Variants in CFAP299 observed in about 807,000 individuals in gnomAD.
CFAP299 encodes the protein cilia- and flagella-associated protein 299.
CFAP299 carries 21 observed loss-of-function variants against 27.0 expected under a neutral mutation model. The ratio of observed to expected loss-of-function variants is 0.78; its 90% CI spans 0.55 to 1.12. The LOEUF is 1.12. Ranked by LOEUF, CFAP299 falls within the 50% of genes most tolerant of loss-of-function variation. The probability of loss-of-function intolerance (pLI) is 0.00; values close to 1 mark genes in which losing one functional copy is unlikely to be tolerated. For missense variants in CFAP299, 310 were observed against 276.6 expected (o/e 1.12, Z -0.86); for synonymous variants, 104 against 98.1 (o/e 1.06, Z -0.36).
chr4:80,441,397 C>A (rs1367508540), intron 2 of CFAP299, among the ~76,000 whole-genome samples: 2 of 152,178 alleles, frequency 1.3e-5, no homozygotes, highest in Admixed American at 6.5e-5. Flanking sequence ...TGGGGGCCAA[C>A]ATTCAACATT....
chr4:80,408,228 C>A (rs956948091), intron 2 of CFAP299, among the ~76,000 whole-genome samples: 6 of 152,144 alleles, frequency 3.9e-5, no homozygotes, highest in African/African-American at 1.4e-4. Context: ...AACCAATTTC[C>A]CCACCTAACA....
intron 2 of CFAP299, among the ~76,000 whole-genome samples, chr4:80,427,640 A>G (rs1007225971): frequency 2.6e-5 from 4 of 152,174 alleles, no homozygotes; most frequent in African/African-American, 9.6e-5. Context: ...GGCCCGTGAA[A>G]GATTAATACT....
chr4:80,846,157 C>T (rs1159300594), intron 3 of CFAP299, among the ~76,000 whole-genome samples: 1 of 152,060 alleles, frequency 6.6e-6, no homozygotes, highest in Non-Finnish European at 1.5e-5. Context: ...TCATTCATCT[C>T]CTGAGGCAGT....
chr4:80,542,033 G>A (rs921104504), intron 2 of CFAP299, among the ~76,000 whole-genome samples: 23 of 151,940 alleles, frequency 1.5e-4, no homozygotes, highest in African/African-American at 5.3e-4. Context: ...AAAATCCAAA[G>A]TAGTTTGCTT....
intron 4 of CFAP299, among the ~76,000 whole-genome samples, chr4:80,911,528 T>G (rs761932827): frequency 1.3e-5 from 2 of 152,214 alleles, no homozygotes; most frequent in African/African-American, 2.4e-5. Context: ...TTTATGCCAT[T>G]ATTTGTCTGT....
chr4:80,871,344 G>C (rs1733086543), intron 4 of CFAP299: 14 of 985,012 alleles, frequency 1.4e-5, no homozygotes, highest in African/African-American at 1.8e-5. Context: ...ACATTCCAAA[G>C]TCAATCGATC....
At chr4:80,761,698 A>G (rs914827729) in intron 3 of CFAP299, among the ~76,000 whole-genome samples, 1 of 152,088 alleles carries the variant, frequency 6.6e-6, no homozygotes, top group African/African-American at 2.4e-5. Flanking sequence ...ATAAGAATAA[A>G]TAATTAGACA....
At chr4:80,800,097 A>G (rs1193322763) in intron 3 of CFAP299, among the ~76,000 whole-genome samples, 2 of 68,688 alleles carry the variant, frequency 2.9e-5, no homozygotes, top group Admixed American at 2.8e-4. Flanking sequence ...TATATATAAT[A>G]TATAATATAT....
intron 3 of CFAP299, among the ~76,000 whole-genome samples, chr4:80,661,921 A>T (rs1009491129): frequency 6.6e-6 from 1 of 152,138 alleles, no homozygotes; most frequent in South Asian, 2.1e-4. Context: ...ACAGTTGTGG[A>T]TAAGGGATAA....
chr4:80,647,327 G>T (rs1337395801), intron 3 of CFAP299, among the ~76,000 whole-genome samples: 1 of 152,068 alleles, frequency 6.6e-6, no homozygotes, highest in African/African-American at 2.4e-5. Flanking sequence ...ACATCTGTTT[G>T]GTGCATGCTC....
At chr4:80,810,605 C>A (rs746095263) in intron 3 of CFAP299, among the ~76,000 whole-genome samples, 8 of 152,008 alleles carry the variant, frequency 5.3e-5, no homozygotes, top group Non-Finnish European at 1.0e-4. Flanking sequence ...CAAGGAACAC[C>A]AAGAATTGCC....
At chr4:80,519,885 A>G (rs1250550771) in intron 2 of CFAP299, among the ~76,000 whole-genome samples, 5 of 152,166 alleles carry the variant, frequency 3.3e-5, no homozygotes, top group African/African-American at 4.8e-5. Context: ...CCTGTAACCT[A>G]TATAGTCAGT....
At chr4:80,751,783 G>T (rs1462389162) in intron 3 of CFAP299, among the ~76,000 whole-genome samples, 1 of 152,120 alleles carries the variant, frequency 6.6e-6, no homozygotes, top group Non-Finnish European at 1.5e-5. Flanking sequence ...GCAGATTCCA[G>T]CCTGTTGCCA....
chr4:80,888,189 A>G (rs1734065364), intron 4 of CFAP299, among the ~76,000 whole-genome samples: 1 of 152,086 alleles, frequency 6.6e-6, no homozygotes, highest in South Asian at 2.1e-4. Context: ...AAAGACATAG[A>G]GTGGCTGCAT....
At position 80,483,252 on chromosome 4, in the gene CFAP299, G is replaced by A. The variant is rs575578494; in HGVS notation, c.243-99841G>A. Among the ~76,000 whole-genome samples, 101 of 152,286 alleles carry A rather than the reference G, an allele frequency of 6.6e-4. 1 individual carries two copies. Among genetic ancestry groups the A allele is most frequent in the African/African-American group, 1.8e-3 (74 of 41,574 alleles). On this transcript the variant is annotated intron_variant, in intron 2 of 5. Coordinates refer to ENST00000358105, the MANE Select transcript of CFAP299 (RefSeq NM_152770.3). ...TGGTGACCTCTAGAAGGTAGGAAAG[G>A]CAATTGATTTTCTCACAGAATCTTA...
chr4:80,653,845 AAT>A (rs1740426143), intron 3 of CFAP299, among the ~76,000 whole-genome samples: 1 of 152,168 alleles, frequency 6.6e-6, no homozygotes, highest in Admixed American at 6.6e-5. Context: ...GTTAAACAAT[AAT>A]GTAGTAGTCT....
intron 4 of CFAP299, chr4:80,870,407 AACCTC>A: frequency 9.2e-7 from 1 of 1,086,298 alleles, no homozygotes; most frequent in South Asian, 3.6e-5. Flanking sequence ...AAATTTTGTT[AACCTC>A]ATGAGGCTTT....
At chr4:80,657,076 GT>G (rs889632051) in intron 3 of CFAP299, among the ~76,000 whole-genome samples, 180 of 147,178 alleles carry the variant, frequency 1.2e-3, no homozygotes, top group Admixed American at 3.9e-3. Flanking sequence ...TAAGTTATTT[GT>G]TTTTTTTTTC....
chr4:80,961,305 C>G (rs2109870116), intron 5 of CFAP299, among the ~76,000 whole-genome samples: 1 of 151,716 alleles, frequency 6.6e-6, no homozygotes, highest in East Asian at 1.9e-4. Flanking sequence ...TAGAATATAG[C>G]TGCTTATTTT....
Sources: allele counts gnomAD v4.1 joint callset (sites outside exome capture counted in the v4.1 genomes callset), GRCh38; gene constraint gnomAD v4.1.1; transcripts MANE v1.5; gene names NCBI Gene and HGNC (gene_info 2026-07-23, HGNC 2026-07-21).